The following DCC variants were observed in gnomAD, a reference collection of about 807,000 sequenced individuals.
DCC encodes the protein DCC netrin 1 receptor.
In DCC, 58 loss-of-function variants were observed where a neutral mutation model predicts 172.5. That is an observed-to-expected ratio of 0.34 (90% CI 0.27 to 0.42). The LOEUF (loss-of-function observed/expected upper bound fraction) is 0.42. DCC is among the 10% of genes least tolerant of loss of function. The probability of loss-of-function intolerance (pLI) is 1.00; values close to 1 mark genes in which losing one functional copy is unlikely to be tolerated. For synonymous variants in DCC, 709 were observed against 644.5 expected, an observed-to-expected ratio of 1.10 and a Z score of -1.52; for missense variants, 1,740 against 1,791.0, an observed-to-expected ratio of 0.97 and a Z score of 0.51.
intron 1 of DCC, among the ~76,000 whole-genome samples, chr18:52,546,528 C>G (rs1395543392): frequency 6.6e-6 from 1 of 152,058 alleles, no homozygotes; most frequent in African/African-American, 2.4e-5. Context: ...GGACTCATAG[C>G]CTAGCATGGT....
chr18:53,270,895 G>A (rs756048097), intron 12 of DCC, among the ~76,000 whole-genome samples: 28 of 152,032 alleles, frequency 1.8e-4, no homozygotes, highest in Admixed American at 4.6e-4. Flanking sequence ...TCCTTACTAT[G>A]TGCCAGGTAC....
intron 1 of DCC, among the ~76,000 whole-genome samples, chr18:52,508,330 T>G (rs955327766): frequency 5.9e-5 from 9 of 152,160 alleles, no homozygotes; most frequent in African/African-American, 2.2e-4. Context: ...ATTTTATCAT[T>G]AATACAAACA....
intron 2 of DCC, among the ~76,000 whole-genome samples, chr18:52,839,034 G>A (rs1454189767): frequency 6.6e-6 from 1 of 152,074 alleles, no homozygotes; most frequent in Non-Finnish European, 1.5e-5. Context: ...AGGACATGTG[G>A]AGCAATCACA....
intron 2 of DCC, among the ~76,000 whole-genome samples, chr18:52,858,287 C>T (rs2039084519): frequency 6.6e-6 from 1 of 152,218 alleles, no homozygotes; most frequent in Admixed American, 6.5e-5. Context: ...TCAGGACTGT[C>T]AGCTCCCATG....
chr18:53,396,154 C>T (rs923734706), intron 17 of DCC, among the ~76,000 whole-genome samples: 3 of 151,198 alleles, frequency 2.0e-5, no homozygotes, highest in African/African-American at 4.9e-5. Flanking sequence ...GGGTAAGATA[C>T]GTATGATATG....
At chr18:53,489,544 G>A (rs1404800184) in intron 26 of DCC, among the ~76,000 whole-genome samples, 2 of 152,026 alleles carry the variant, frequency 1.3e-5, no homozygotes, top group Non-Finnish European at 2.9e-5. Flanking sequence ...CTTATTAGTC[G>A]CCTTGGGAAA....
At chr18:52,898,557 C>T (rs913448932) in intron 2 of DCC, among the ~76,000 whole-genome samples, 1 of 152,104 alleles carries the variant, frequency 6.6e-6, no homozygotes, top group African/African-American at 2.4e-5. Context: ...GATTTCTTGT[C>T]GTCTATGCAG....
intron 14 of DCC, among the ~76,000 whole-genome samples, chr18:53,337,743 A>C (rs2057608639): frequency 6.6e-6 from 1 of 152,230 alleles, no homozygotes; most frequent in African/African-American, 2.4e-5. Context: ...ACCTATTTTG[A>C]AAACTTTAAT....
At chr18:52,960,027 T>C (rs139002131) in intron 5 of DCC, among the ~76,000 whole-genome samples, 2,062 of 152,102 alleles carry the variant, frequency 0.014, 61 homozygotes, top group African/African-American at 0.048. Context: ...AACAGCAAAA[T>C]GAAAAGGTAT....
At chr18:53,344,551 C>G (rs2057701051) in intron 15 of DCC, among the ~76,000 whole-genome samples, 1 of 147,176 alleles carries the variant, frequency 6.8e-6, no homozygotes, top group African/African-American at 2.5e-5. Context: ...CAAGCAATCT[C>G]CTGCCTCAGC....
intron 2 of DCC, among the ~76,000 whole-genome samples, chr18:52,838,655 T>C (rs1568136276): frequency 6.6e-6 from 1 of 152,148 alleles, no homozygotes; most frequent in Non-Finnish European, 1.5e-5. Context: ...ATTTGGAACA[T>C]GGGAATGAAG....
rs781649060 is a variant in DCC at position 52,583,618 on chromosome 18, C to T, written c.92-168436C>T. 7.9e-5 allele frequency among the ~76,000 whole-genome samples: 12 copies of T among 151,874 alleles called. No individual in the cohort carries two copies. The South Asian group carries it at 8.3e-4, about 11-fold the overall frequency. On this transcript the variant is annotated intron_variant, in intron 1 of 28. Coordinates refer to ENST00000442544, the MANE Select transcript of DCC (RefSeq NM_005215.4). Reference sequence around the variant, plus strand: ...TTTCTTGGCAAAGTTTATTGCTGTTCGGTTTGGTTTAACGTGTATATTTCA... The same window carrying T: ...TTTCTTGGCAAAGTTTATTGCTGTTTGGTTTGGTTTAACGTGTATATTTCA...
At chr18:52,456,660 G>A (rs544049146) in intron 1 of DCC, among the ~76,000 whole-genome samples, 1 of 152,152 alleles carries the variant, frequency 6.6e-6, no homozygotes, top group Non-Finnish European at 1.5e-5. Flanking sequence ...TAAATATTTG[G>A]GCAAGTAAGA....
At chr18:52,367,793 G>C (rs1984945572) in intron 1 of DCC, among the ~76,000 whole-genome samples, 1 of 152,210 alleles carries the variant, frequency 6.6e-6, no homozygotes, top group Non-Finnish European at 1.5e-5. Flanking sequence ...CGCACTGAGG[G>C]AAGAAGTTGA....
chr18:52,742,618 G>A (rs753625202), intron 1 of DCC, among the ~76,000 whole-genome samples: 13 of 152,112 alleles, frequency 8.5e-5, no homozygotes, highest in Non-Finnish European at 1.5e-4. Flanking sequence ...CAAAGTTTAT[G>A]GTTTCAATTG....
At chr18:52,790,775 G>T (rs747833334) in intron 2 of DCC, among the ~76,000 whole-genome samples, 1 of 152,136 alleles carries the variant, frequency 6.6e-6, no homozygotes, top group Non-Finnish European at 1.5e-5. Context: ...ATTCTCTGCT[G>T]CCTGCAGAAT....
chr18:53,049,537 G>A (rs1049659761), intron 5 of DCC, among the ~76,000 whole-genome samples: 6 of 151,926 alleles, frequency 3.9e-5, no homozygotes, highest in African/African-American at 1.4e-4. Context: ...TATTTTATTT[G>A]TCTAAGTGTC....
In DCC at chr18:52,819,885, AT is replaced by A. The variant is rs397977094; in HGVS notation, c.412+67521del. Among the ~76,000 whole-genome samples the A allele has an allele frequency of 6.1e-5, 9 of 147,642 alleles. No individual in the cohort carries two copies. The Middle Eastern group carries it at 0.01, about 170-fold the overall frequency. On this transcript the variant is annotated intron_variant, in intron 2 of 28. Transcript: ENST00000442544. ...AGGTGCCCACCACCATGCCCAGCTA[AT>A]TTTTTTTTTATTTTTAGTAGAGATG...
At chr18:52,612,469 A>G (rs541262546) in intron 1 of DCC, among the ~76,000 whole-genome samples, 1 of 144,426 alleles carries the variant, frequency 6.9e-6, no homozygotes, top group East Asian at 2.2e-4. Context: ...TTTCATTTTT[A>G]GTACAAAACT....
Sources: gnomAD v4.1 joint callset for allele counts (sites outside exome capture counted in the v4.1 genomes callset) on GRCh38, gnomAD v4.1.1 for gene constraint, MANE v1.5 for transcripts, NCBI Gene and HGNC (gene_info 2026-07-23, HGNC 2026-07-21) for gene names.